DMD: variants seen among roughly 807,000 people sequenced by gnomAD.
The protein encoded by DMD is dystrophin.
Under a neutral mutation model 330.1 loss-of-function variants are expected in DMD, and 63 were observed. The ratio of observed to expected loss-of-function variants is 0.19; its 90% confidence interval spans 0.16 to 0.24. The LOEUF (loss-of-function observed/expected upper bound fraction) is 0.24, where lower values mean the gene tolerates loss of function less well. Among genes scored for constraint, DMD ranks in the 10% least tolerant of loss-of-function variants. The probability of loss-of-function intolerance (pLI) is 1.00; values close to 1 mark genes in which losing one functional copy is unlikely to be tolerated. For synonymous variants in DMD, 1,223 were observed against 959.8 expected (o/e 1.27, Z -5.07); for missense variants, 3,344 against 2,684.1 (o/e 1.25, Z -5.43).
At chrX:31,348,455 G>A in intron 61 of DMD, 101 bp downstream of exon 61, 2 of 752,400 alleles carry the variant, frequency 2.7e-6, no homozygotes, top group Non-Finnish European at 2.0e-6. Context: ...TCTGATAAAA[G>A]ATTACTATAA....
intron 44 of DMD, among the ~76,000 whole-genome samples, chrX:32,176,375 G>T (rs1260202603): frequency 9.0e-6 from 1 of 111,210 alleles, no homozygotes; most frequent in African/African-American, 3.3e-5. Context: ...ATATATTAAT[G>T]AATACAATCA....
chrX:32,122,297 CAA>C (rs1195682504), intron 44 of DMD, among the ~76,000 whole-genome samples: 2 of 111,938 alleles, frequency 1.8e-5, no homozygotes, highest in African/African-American at 6.5e-5. Flanking sequence ...GGACCTGCAC[CAA>C]AGTTACTGGA....
chrX:32,904,932 C>T (rs768523744), intron 2 of DMD, among the ~76,000 whole-genome samples: 3 of 111,705 alleles, frequency 2.7e-5, no homozygotes, highest in South Asian at 3.7e-4. Context: ...TTGCTTGTCT[C>T]GTTGCTCAAA....
Position 32,620,074 on chromosome X carries a change from T to A in DMD, c.1332-5621A>T, listed in dbSNP as rs192986442. On this transcript the variant is annotated intron_variant, in intron 11 of 78. Transcript: ENST00000357033. ...CAAGAGGAACCTGGGTAACAGAAAATCTAGACTTCATCCTCTTTGAACAGA... is the reference window on the plus strand; with the variant it reads ...CAAGAGGAACCTGGGTAACAGAAAAACTAGACTTCATCCTCTTTGAACAGA... Among the ~76,000 whole-genome samples, 485 of 111,737 alleles carry A rather than the reference T, an allele frequency of 4.3e-3. 1 individual carries two copies. The highest frequency in any genetic ancestry group is 9.3e-3 in the Middle Eastern group (2 of 216).
chrX:31,872,704 C>T (rs1317126985), intron 48 of DMD, among the ~76,000 whole-genome samples: 1 of 111,633 alleles, frequency 9.0e-6, no homozygotes, highest in Non-Finnish European at 1.9e-5. Context: ...ATGACCTTTC[C>T]TCTTCGCAAT....
chrX:31,785,315 G>T (rs1175663090), intron 50 of DMD, among the ~76,000 whole-genome samples: 1 of 111,778 alleles, frequency 8.9e-6, no homozygotes. Context: ...TCTTCAGTGG[G>T]TTTGGAGTTT....
At chrX:31,864,401 C>T (rs2093760704) in intron 48 of DMD, among the ~76,000 whole-genome samples, 1 of 107,576 alleles carries the variant, frequency 9.3e-6, no homozygotes, top group Non-Finnish European at 1.9e-5. Context: ...GGTTGGTGAA[C>T]GATGAAAATC....
chrX:32,265,622 C>T (rs7058125), intron 43 of DMD, among the ~76,000 whole-genome samples: 3 of 111,676 alleles, frequency 2.7e-5, no homozygotes, highest in Admixed American at 9.4e-5. Flanking sequence ...TACCCTGCAA[C>T]GCCAAAGGAG....
At chrX:31,138,227 C>A (rs2035509531) in intron 76 of DMD, among the ~76,000 whole-genome samples, 1 of 111,598 alleles carries the variant, frequency 9.0e-6, no homozygotes, top group South Asian at 3.8e-4. Flanking sequence ...CAGACCTGAA[C>A]CCAAACCACA....
chrX:33,117,470 C>T (rs948057277), intron 1 of DMD, among the ~76,000 whole-genome samples: 38 of 111,646 alleles, frequency 3.4e-4, no homozygotes, highest in African/African-American at 1.2e-3. Flanking sequence ...TCATATTGTA[C>T]ACCTTGAATA....
intron 1 of DMD, among the ~76,000 whole-genome samples, chrX:33,118,564 T>G (rs1365024081): frequency 8.9e-6 from 1 of 111,897 alleles, no homozygotes; most frequent in Non-Finnish European, 1.9e-5. Flanking sequence ...AAAGAAACGT[T>G]CATCTGAACA....
At chrX:32,311,276 G>A (rs2097561325) in intron 41 of DMD, among the ~76,000 whole-genome samples, 1 of 110,884 alleles carries the variant, frequency 9.0e-6, no homozygotes, top group Non-Finnish European at 1.9e-5. Flanking sequence ...CAAACGATAA[G>A]CATGCTAACG....
At chrX:33,314,652 T>C (rs1331822874) in intron 1 of DMD, among the ~76,000 whole-genome samples, 1 of 101,607 alleles carries the variant, frequency 9.8e-6, no homozygotes, top group Non-Finnish European at 2.0e-5. Context: ...CTGGAGACTC[T>C]AGGGGAGAAT....
At chrX:32,202,231 C>T (rs749684156) in intron 44 of DMD, among the ~76,000 whole-genome samples, 5 of 112,145 alleles carry the variant, frequency 4.5e-5, no homozygotes, top group Non-Finnish European at 9.4e-5. Flanking sequence ...GAGAATGATA[C>T]GCAAAACAGC....
intron 2 of DMD, among the ~76,000 whole-genome samples, chrX:32,927,089 A>G (rs188348041): frequency 1.0e-3 from 113 of 111,105 alleles, no homozygotes; most frequent in African/African-American, 3.4e-3. Flanking sequence ...TTTTTATTCC[A>G]TAGTACCCTT....
At chrX:32,688,043 C>T (rs1295214680) in intron 9 of DMD, among the ~76,000 whole-genome samples, 1 of 111,838 alleles carries the variant, frequency 8.9e-6, no homozygotes, top group East Asian at 2.8e-4. Flanking sequence ...CTAAAGAAGG[C>T]ATACTGCATC....
rs750217308 is a variant in DMD at position 33,068,307 on chromosome X, TC to T, written c.32-48108del. On this transcript the variant is annotated intron_variant, in intron 1 of 78. Coordinates refer to ENST00000357033, the MANE Select transcript of DMD (RefSeq NM_004006.3). ...TAAGGCCAAGGTAGTGATTAATTGA[TC>T]TAGGCTAGAGTAAAGCTGTGGCTGA... is the stretch of plus-strand genomic sequence containing the variant. Among the ~76,000 whole-genome samples, 13 of 111,898 alleles carry T rather than the reference TC, an allele frequency of 1.2e-4. No homozygotes were observed. The South Asian group carries it at 4.9e-3, about 42-fold the overall frequency.
intron 44 of DMD, among the ~76,000 whole-genome samples, chrX:32,076,127 T>TATG (rs199897858): frequency 0.059 from 5,337 of 90,257 alleles, 166 homozygotes; most frequent in Non-Finnish European, 0.081. Context: ...GAACTAACAG[T>TATG]ATGCAAGGCA....
chrX:31,408,402 A>C (rs1377982514), intron 60 of DMD, among the ~76,000 whole-genome samples: 1 of 110,605 alleles, frequency 9.0e-6, no homozygotes, highest in African/African-American at 3.3e-5. Flanking sequence ...ATTTTTCTTT[A>C]AACTTTTTTT....
Sources: gnomAD v4.1 joint callset for allele counts (sites outside exome capture counted in the v4.1 genomes callset) on GRCh38, gnomAD v4.1.1 for gene constraint, MANE v1.5 for transcripts, NCBI Gene and HGNC (gene_info 2026-07-23, HGNC 2026-07-21) for gene names.